The following FBXL5 variants were observed in gnomAD, a reference collection of about 807,000 sequenced individuals.
FBXL5 encodes the protein F-box/LRR-repeat protein 5.
A neutral mutation model predicts 78.3 loss-of-function variants in FBXL5; 26 were observed. That is an observed-to-expected ratio of 0.33 (90% CI 0.24 to 0.46). FBXL5 has a LOEUF of 0.46. Among genes scored for constraint, FBXL5 ranks in the 20% least tolerant of loss-of-function variants. The pLI is 1.00. For synonymous variants in FBXL5, 295 were observed against 282.5 expected (o/e 1.04, Z -0.45); for missense variants, 710 against 829.2 (o/e 0.86, Z 1.77).
chr4:15,641,488 A>T, intron 2 of FBXL5: 1 of 362,430 alleles, frequency 2.8e-6, no homozygotes, highest in Non-Finnish European at 5.2e-6. Flanking sequence ...TTTCTTCCGT[A>T]TGATGTTCTT....
chr4:15,608,706 G>C (rs1443938254), intron 10 of FBXL5, among the ~76,000 whole-genome samples: 21 of 151,954 alleles, frequency 1.4e-4, no homozygotes, highest in Non-Finnish European at 1.5e-5. Flanking sequence ...TTTGAAAGCA[G>C]AATCTGTTTA....
intron 1 of FBXL5, among the ~76,000 whole-genome samples, 158 bp from the exon 2 acceptor site, chr4:15,644,866 A>G (rs1310649613): frequency 2.0e-5 from 3 of 152,238 alleles, no homozygotes; most frequent in Non-Finnish European, 2.9e-5. Flanking sequence ...AACAAGTTAT[A>G]ATGGTATAAT....
intron 10 of FBXL5, among the ~76,000 whole-genome samples, chr4:15,608,331 C>A (rs1722020483): frequency 5.9e-5 from 9 of 152,066 alleles, no homozygotes; most frequent in Admixed American, 5.9e-4. Context: ...TGACATGACA[C>A]AGTTTTTCAC....
intron 1 of FBXL5, among the ~76,000 whole-genome samples, chr4:15,667,826 G>A (rs886751589): frequency 6.6e-6 from 1 of 152,104 alleles, no homozygotes; most frequent in African/African-American, 2.4e-5. Context: ...CGGATCACCT[G>A]AGGTCAGGAG....
chr4:15,607,160 T>G (rs1721946131), intron 10 of FBXL5, among the ~76,000 whole-genome samples: 1 of 152,162 alleles, frequency 6.6e-6, no homozygotes, highest in Admixed American at 6.5e-5. Context: ...TGTGATTAGC[T>G]TAATGGCGGA....
Position 15,626,902 on chromosome 4 carries a change from C to A in FBXL5, c.1095G>T (p.Gln365His), listed in dbSNP as rs1325929340. The change falls in exon 8 of 11, where the codon CAG (glutamine) becomes CAT (histidine). Residue 365 changes from glutamine to histidine, a missense_variant. Gln to His is a conservative substitution (Grantham distance 24, BLOSUM62 0). Coordinates refer to ENST00000341285, the MANE Select transcript of FBXL5 (RefSeq NM_012161.4). ...CAAATGCAGAATCTGAAATGTCAGT[C>A]TGGGTAAGATCCAGATGCTCCAGGT... ...CPNLEHLDLT[Q>H]TDISDSAFDS... is the part of the protein sequence containing the mutation. 6.2e-7 allele frequency: 1 copy of A among 1,611,582 alleles called. No individual in the cohort carries two copies. The highest frequency in any genetic ancestry group is 8.5e-7 in the Non-Finnish European group (1 of 1,178,814).
intron 1 of FBXL5, among the ~76,000 whole-genome samples, chr4:15,654,914 G>A (rs1425342723): frequency 6.6e-6 from 1 of 152,048 alleles, no homozygotes. Context: ...GCCGGCCCGA[G>A]GGCGGCCAGT....
chr4:15,631,406 A>G (rs576316237), intron 5 of FBXL5, among the ~76,000 whole-genome samples: 3 of 152,300 alleles, frequency 2.0e-5, no homozygotes, highest in East Asian at 3.9e-4. Flanking sequence ...ATAGTAGCAT[A>G]ATTTATAATC....
upstream of FBXL5, among the ~76,000 whole-genome samples, chr4:15,664,327 G>A (rs1337904992): frequency 6.6e-6 from 1 of 151,684 alleles, no homozygotes; most frequent in East Asian, 1.9e-4. Context: ...TTCAATCCTT[G>A]CACCAAACCA....
In FBXL5 at chr4:15,625,713, G is replaced by C; in HGVS notation, c.1389C>G (p.His463Gln). ...CAGAAGAAACAGGCTTAGTCCAGGG[G>C]TGTTCATTATCTATTTCTTCTCCAA... ...KGIGEEIDNE[H>Q]PWTKPVSSEN... is the part of the protein sequence containing the mutation. The change falls in exon 9 of 11, where the codon CAC (histidine) becomes CAG (glutamine). Residue 463 changes from histidine (H) to glutamine (Q), a missense_variant. Physicochemically the swap from His to Gln is conservative, Grantham distance 24. Around this residue, in one of 4 missense-constraint regions of FBXL5, gnomAD observed 517 missense variants for 542.9 expected, o/e 0.95. Coordinates refer to ENST00000341285, the MANE Select transcript of FBXL5 (RefSeq NM_012161.4). 6.2e-7 allele frequency: 1 copy of C among 1,614,206 alleles called. No homozygotes were observed. Among genetic ancestry groups the C allele is most frequent in the Non-Finnish European group, 8.5e-7 (1 of 1,180,036 alleles).
At chr4:15,628,883 T>C (rs1713347928) in intron 6 of FBXL5, among the ~76,000 whole-genome samples, 1 of 152,076 alleles carries the variant, frequency 6.6e-6, no homozygotes, top group African/African-American at 2.4e-5. Context: ...CTTTTGTTTC[T>C]GTGGCCCTCA....
chr4:15,650,909 C>T (rs1442971577), intron 1 of FBXL5, among the ~76,000 whole-genome samples: 3 of 152,052 alleles, frequency 2.0e-5, no homozygotes, highest in Non-Finnish European at 4.4e-5. Context: ...GGGATACAGG[C>T]ATGAGCCACT....
intron 9 of FBXL5, among the ~76,000 whole-genome samples, chr4:15,616,254 G>A (rs984980872): frequency 1.3e-5 from 2 of 152,218 alleles, no homozygotes; most frequent in Admixed American, 1.3e-4. Flanking sequence ...AAGTCAGTGA[G>A]ACCAAGAACC....
chr4:15,616,103 T>C (rs1711837225), intron 9 of FBXL5, among the ~76,000 whole-genome samples: 1 of 151,790 alleles, frequency 6.6e-6, no homozygotes, highest in African/African-American at 2.4e-5. Context: ...GGTCTGCAGC[T>C]TCACTCCTGA....
chr4:15,654,906 C>T (rs912263489), intron 1 of FBXL5, among the ~76,000 whole-genome samples: 4 of 152,074 alleles, frequency 2.6e-5, no homozygotes, highest in African/African-American at 2.4e-5. Flanking sequence ...GCGGTGGGGC[C>T]GGCCCGAGGG....
intron 1 of FBXL5, among the ~76,000 whole-genome samples, chr4:15,668,953 C>T (rs1170785746): frequency 6.6e-6 from 1 of 152,162 alleles, no homozygotes; most frequent in African/African-American, 2.4e-5. Flanking sequence ...CATTTGGAAG[C>T]AATAGTTACT....
Position 15,605,605 on chromosome 4 carries a change from G to T in FBXL5, c.*118C>A, listed in dbSNP as rs1039902238. On this transcript the variant is annotated 3_prime_UTR_variant, in exon 11 of 11. Transcript: ENST00000341285. ...AGATTTCTGAAGTTGTAAGAAATGG[G>T]GCCAAAACAAGTCACGCTCAAAAAG... 7 of 748,114 alleles carry T rather than the reference G, an allele frequency of 9.4e-6. No individual in the cohort carries two copies. The highest frequency in any genetic ancestry group is 1.1e-5 in the Non-Finnish European group (5 of 443,712). 46.3% of individuals were successfully genotyped at this position (748,114 alleles called of 1,614,324 possible).
In FBXL5 at chr4:15,646,835, T is replaced by A. The variant is rs369398462; in HGVS notation, c.85-2127A>T. 1.2e-4 allele frequency among the ~76,000 whole-genome samples: 18 copies of A among 152,062 alleles called. No individual in the cohort carries two copies. In the East Asian group the frequency reaches 3.3e-3, roughly 28 times the overall value. On this transcript the variant is annotated intron_variant, in intron 1 of 10. Transcript: ENST00000341285. Reference sequence around the variant, plus strand: ...CCTTGCGACAGTTTGCTGAGAATGATGGTTTCCAGCTTCTAGATATTATTT... The same window carrying A: ...CCTTGCGACAGTTTGCTGAGAATGAAGGTTTCCAGCTTCTAGATATTATTT...
rs1431533005 is a variant in FBXL5 at position 15,655,302 on chromosome 4, C to G, written c.-15G>C. The G allele has an allele frequency of 2.9e-6, 4 of 1,393,554 alleles. No homozygotes were observed. In the Admixed American group the frequency reaches 6.9e-5, roughly 24 times the overall value. The allele number at this position is 1,393,554 out of a possible 1,614,324, so 86.3% of individuals were successfully genotyped here. A position where few individuals can be genotyped will look rare whatever the true frequency, so the allele number is the denominator to read the frequency against. On this transcript the variant is annotated 5_prime_UTR_variant, in exon 1 of 11. Transcript: ENST00000341285. ...AAGGGCGCCATCGCCACTGCCTCAG[C>G]CTCCGCCTCAGCAGCCGCGGCCGCC... is the stretch of plus-strand genomic sequence containing the variant.
Sources: gnomAD v4.1 joint callset for allele counts (sites outside exome capture counted in the v4.1 genomes callset) on GRCh38, gnomAD v4.1.1 for gene constraint, gnomAD v4.1.1 regional missense constraint, MANE v1.5 for transcripts, NCBI Gene and HGNC (gene_info 2026-07-23, HGNC 2026-07-21) for gene names.